The following TRPM3 variants were observed in gnomAD, a reference collection of about 807,000 sequenced individuals.
The protein encoded by TRPM3 is long transient receptor potential channel 3.
TRPM3 carries 77 observed loss-of-function variants against 181.2 expected under a neutral mutation model. The observed-to-expected ratio is 0.42, with a 90% CI of 0.35 to 0.51. The LOEUF is 0.51. TRPM3 is among the 20% of genes least tolerant of loss of function. The probability of loss-of-function intolerance (pLI) is 0.01; values close to 1 mark genes in which losing one functional copy is unlikely to be tolerated. For missense variants in TRPM3, 1,759 were observed against 2,196.7 expected, an observed-to-expected ratio of 0.80 and a Z score of 3.98; for synonymous variants, 745 against 796.4, an observed-to-expected ratio of 0.94 and a Z score of 1.09.
intron 1 of TRPM3, among the ~76,000 whole-genome samples, chr9:71,247,279 G>T (rs1000988763): frequency 6.6e-6 from 1 of 150,838 alleles, no homozygotes; most frequent in Admixed American, 6.6e-5. Context: ...GCTTGAACCT[G>T]GGAGGTGGGG....
chr9:70,555,720 T>C (rs955897907), intron 22 of TRPM3, among the ~76,000 whole-genome samples: 7 of 152,128 alleles, frequency 4.6e-5, no homozygotes, highest in African/African-American at 1.7e-4. Context: ...ATGGAACCAT[T>C]GCTTTGTTTT....
chr9:70,995,259 C>T (rs1227205411), intron 1 of TRPM3, among the ~76,000 whole-genome samples: 5 of 152,194 alleles, frequency 3.3e-5, no homozygotes, highest in Non-Finnish European at 5.9e-5. Flanking sequence ...TCTCTTTGAA[C>T]TTCCTCATCA....
chr9:71,349,987 AT>A (rs1565487785), intron 1 of TRPM3, among the ~76,000 whole-genome samples: 2 of 129,638 alleles, frequency 1.5e-5, no homozygotes, highest in African/African-American at 5.9e-5. Context: ...ATATATATAT[AT>A]ATATATATAT....
intron 1 of TRPM3, among the ~76,000 whole-genome samples, chr9:71,020,611 A>T (rs2097840050): frequency 6.6e-6 from 1 of 152,246 alleles, no homozygotes; most frequent in South Asian, 2.1e-4. Flanking sequence ...ACTAGCTGGA[A>T]AACATATGAA....
intron 1 of TRPM3, among the ~76,000 whole-genome samples, chr9:70,890,762 G>A (rs775522285): frequency 2.6e-4 from 40 of 152,100 alleles, no homozygotes; most frequent in Middle Eastern, 3.4e-3. Flanking sequence ...GATGCTATTG[G>A]AAAATATGCT....
chr9:70,806,165 C>G (rs1387012370), intron 6 of TRPM3, among the ~76,000 whole-genome samples: 1 of 152,118 alleles, frequency 6.6e-6, no homozygotes, highest in East Asian at 1.9e-4. Context: ...TGAATGTTTG[C>G]CTGCTGGGCT....
intron 1 of TRPM3, among the ~76,000 whole-genome samples, chr9:71,411,671 C>A (rs562247927): frequency 2.0e-5 from 3 of 152,278 alleles, no homozygotes; most frequent in South Asian, 2.1e-4. Flanking sequence ...GGCCATACTG[C>A]CCAAGGTAAT....
At chr9:71,390,203 T>C (rs1257608058) in intron 1 of TRPM3, among the ~76,000 whole-genome samples, 2 of 151,940 alleles carry the variant, frequency 1.3e-5, no homozygotes, top group Admixed American at 6.6e-5. Context: ...CTCACTGGCA[T>C]ATGGAAGAAA....
chr9:71,146,353 A>G (rs926888997), intron 1 of TRPM3, among the ~76,000 whole-genome samples: 1 of 152,184 alleles, frequency 6.6e-6, no homozygotes, highest in Non-Finnish European at 1.5e-5. Context: ...TCTACCCTGC[A>G]TAGTAAACAA....
chr9:71,369,512 CCA>C (rs1430468250), intron 1 of TRPM3, among the ~76,000 whole-genome samples: 3 of 152,024 alleles, frequency 2.0e-5, no homozygotes, highest in Non-Finnish European at 4.4e-5. Flanking sequence ...TGAGAATGGT[CCA>C]TTTTTTATAA....
In TRPM3 at chr9:70,536,809, A is replaced by T; in HGVS notation, c.4304T>A (p.Ile1435Asn). Residue 1435 changes from isoleucine to asparagine, a missense_variant, in exon 26 of 26, where the codon ATC becomes AAC. Ile to Asn is a moderately radical substitution (Grantham distance 149). Transcript: ENST00000677713. ...DIDPLDNSVN[I>N]LGLGEPSFST... Reference sequence around the variant, plus strand: ...AAAGCTTGGCTCGCCCAGCCCAAGGATGTTCACGGAATTGTCCAGAGGGTC... The same window carrying T: ...AAAGCTTGGCTCGCCCAGCCCAAGGTTGTTCACGGAATTGTCCAGAGGGTC... 1 of 1,614,150 alleles carries T rather than the reference A, an allele frequency of 6.2e-7. No individual in the cohort carries two copies. The highest frequency in any genetic ancestry group is 1.3e-5 in the African/African-American group (1 of 75,036).
At chr9:71,257,363 A>C (rs2082737406) in intron 1 of TRPM3, among the ~76,000 whole-genome samples, 1 of 152,144 alleles carries the variant, frequency 6.6e-6, no homozygotes, top group South Asian at 2.1e-4. Context: ...CAGGTTGTCA[A>C]ATAGAGTAAC....
intron 1 of TRPM3, among the ~76,000 whole-genome samples, chr9:71,260,273 G>C (rs1228098127): frequency 1.3e-5 from 2 of 152,094 alleles, no homozygotes; most frequent in Admixed American, 6.6e-5. Context: ...ATGCTGTTTT[G>C]GTTACTGTAG....
Position 70,803,555 on chromosome 9 carries a change from T to G in TRPM3, c.974-19276A>C, listed in dbSNP as rs573026026. Among the ~76,000 whole-genome samples, 424 of 151,110 alleles carry G rather than the reference T, an allele frequency of 2.8e-3. 1 individual carries two copies. Among genetic ancestry groups the G allele is most frequent in the Non-Finnish European group, 4.6e-3 (310 of 67,700 alleles). ...GCTCCGCCTCCCAGGTTCATGCTTT[T>G]CTCCTGCCTCAGCCTCCAGAGTAGC... On this transcript the variant is annotated intron_variant, in intron 6 of 25. Transcript: ENST00000677713.
chr9:71,126,373 A>G (rs776511059), upstream of TRPM3, among the ~76,000 whole-genome samples: 30 of 152,198 alleles, frequency 2.0e-4, no homozygotes, highest in Non-Finnish European at 3.8e-4. Flanking sequence ...CATTTGTCTC[A>G]TGAACTTTAT....
chr9:71,145,175 G>A (rs143748634), intron 1 of TRPM3, among the ~76,000 whole-genome samples: 2 of 152,164 alleles, frequency 1.3e-5, no homozygotes, highest in Admixed American at 6.6e-5. Context: ...AAGAGTCAAC[G>A]GTCACATGCC....
Position 70,610,640 on chromosome 9 carries a change from T to A in TRPM3, c.2636A>T (p.Asn879Ile), listed in dbSNP as rs745959731. Reference protein sequence around the residue: ...PLGRKIYEFYNAPIVKFWFYT... With the variant: ...PLGRKIYEFYIAPIVKFWFYT... ...GAACCAGAACTTCACGATGGGTGCA[T>A]TGTAGAATTCATAGATTTTTCTGCC... The change falls in exon 19 of 26, where the codon AAT becomes ATT. Residue 879 changes from asparagine to isoleucine, a missense_variant. Physicochemically the swap from Asn to Ile is moderately radical, Grantham distance 149. Coordinates refer to ENST00000677713, the MANE Select transcript of TRPM3 (RefSeq NM_001366145.2). 1.9e-6 allele frequency: 3 copies of A among 1,613,984 alleles called. No homozygotes were observed. The highest frequency in any genetic ancestry group is 2.2e-5 in the South Asian group (2 of 91,064).
chr9:71,340,509 G>C (rs2090887853), intron 1 of TRPM3, among the ~76,000 whole-genome samples: 1 of 152,022 alleles, frequency 6.6e-6, no homozygotes, highest in Non-Finnish European at 1.5e-5. Flanking sequence ...ATGGTTTTAA[G>C]AAGGAGAGTT....
chr9:71,061,872 G>A (rs1343659766), intron 1 of TRPM3, among the ~76,000 whole-genome samples: 3 of 152,046 alleles, frequency 2.0e-5, no homozygotes, highest in African/African-American at 7.2e-5. Flanking sequence ...AATCTTGGGA[G>A]TCTTCCTAGT....
Sources: allele counts gnomAD v4.1 joint callset (sites outside exome capture counted in the v4.1 genomes callset), GRCh38; gene constraint gnomAD v4.1.1; transcripts MANE v1.5; gene names NCBI Gene and HGNC (gene_info 2026-07-23, HGNC 2026-07-21).